The following TM6SF1 variants were observed in gnomAD, a reference collection of about 807,000 sequenced individuals.
TM6SF1 encodes the protein transmembrane 6 superfamily member 1.
TM6SF1 carries 43 observed loss-of-function variants against 47.1 expected under a neutral mutation model. The ratio of observed to expected loss-of-function variants is 0.91; its 90% CI spans 0.72 to 1.18. The LOEUF (loss-of-function observed/expected upper bound fraction) is 1.18, where lower values mean the gene tolerates loss of function less well. Among genes scored for constraint, TM6SF1 ranks in the 50% most tolerant of loss-of-function variants. The pLI, the probability that TM6SF1 is intolerant of heterozygous loss-of-function variation, is 0.00. For synonymous variants in TM6SF1, 177 were observed against 166.3 expected, an observed-to-expected ratio of 1.06 and a Z score of -0.49; for missense variants, 390 against 449.0, an observed-to-expected ratio of 0.87 and a Z score of 1.19.
At chr15:83,110,694 G>A (rs2151332018) in intron 1 of TM6SF1, among the ~76,000 whole-genome samples, 2 of 152,096 alleles carry the variant, frequency 1.3e-5, no homozygotes, top group South Asian at 4.2e-4. Context: ...TCCCTCATGG[G>A]ATTCTTCAGC....
In TM6SF1 at chr15:83,112,862, TC is replaced by T; in HGVS notation, c.159del (p.Val54SerfsTer23). On this transcript the variant is annotated frameshift_variant, in exon 2 of 10. Transcript: ENST00000322019. LOFTEE classifies it high-confidence loss of function. ...CTGGTAGCACTGCTGGCTCGTGTCC[TC>T]GTCAAAAGAAAACCACCCCGGGACC... is the stretch of plus-strand genomic sequence containing the variant. ...LFLVALLARV[L>X]VKRKPPRDPL... 6.2e-7 allele frequency: 1 copy of T among 1,614,150 alleles called. No individual in the cohort carries two copies. The highest frequency in any genetic ancestry group is 8.5e-7 in the Non-Finnish European group (1 of 1,179,988).
In TM6SF1 at chr15:83,130,602, T is replaced by A. The variant is rs547413124; in HGVS notation, c.921+3125T>A. On this transcript the variant is annotated intron_variant, in intron 9 of 9. Coordinates refer to ENST00000322019, the MANE Select transcript of TM6SF1 (RefSeq NM_023003.5). ...CTGAGTAAAGAATTATGGGTCTGAT[T>A]CCCACAGCTCTTGGCTGAGCTTTAA... 2.0e-5 allele frequency: 3 copies of A among 152,334 alleles called. No homozygotes were observed. The East Asian group carries it at 5.8e-4, about 29-fold the overall frequency. 9.4% of individuals were successfully genotyped at this position (152,334 alleles called of 1,614,324 possible).
chr15:83,135,969 GAA>G (rs1349143903), intron 9 of TM6SF1: 3 of 152,284 alleles, frequency 2.0e-5, no homozygotes, highest in Admixed American at 1.3e-4. Flanking sequence ...AGGAGTAGAT[GAA>G]AGACTGATAA....
intron 1 of TM6SF1, among the ~76,000 whole-genome samples, chr15:83,109,608 C>A (rs1271644435): frequency 2.0e-5 from 3 of 152,194 alleles, no homozygotes; most frequent in African/African-American, 7.2e-5. Flanking sequence ...AGTCCTGGGG[C>A]TCTAGTGTCT....
intron 6 of TM6SF1, 122 bp downstream of exon 6, chr15:83,123,000 G>A (rs1044938033): frequency 4.4e-5 from 48 of 1,092,930 alleles, no homozygotes; most frequent in Non-Finnish European, 5.9e-5. Flanking sequence ...CAAACAGTGC[G>A]ACTGTTTTGA....
intron 3 of TM6SF1, among the ~76,000 whole-genome samples, chr15:83,118,268 CAG>C (rs1478144783): frequency 6.6e-6 from 1 of 150,668 alleles, no homozygotes; most frequent in African/African-American, 2.5e-5. Flanking sequence ...CACACACATA[CAG>C]AGAGAGCAAG....
chr15:83,116,355 T>A (rs1259418505), intron 3 of TM6SF1, among the ~76,000 whole-genome samples: 2 of 152,246 alleles, frequency 1.3e-5, no homozygotes, highest in African/African-American at 4.8e-5. Context: ...TTGTGATGGC[T>A]TGCACTCTCC....
intron 3 of TM6SF1, among the ~76,000 whole-genome samples, chr15:83,117,233 G>A (rs528379774): frequency 5.9e-5 from 9 of 152,326 alleles, no homozygotes; most frequent in African/African-American, 1.9e-4. Context: ...AGAGGAGAAA[G>A]AGCATGTGCC....
chr15:83,109,971 G>A (rs577589162), intron 1 of TM6SF1, among the ~76,000 whole-genome samples: 9 of 152,156 alleles, frequency 5.9e-5, no homozygotes, highest in South Asian at 4.2e-4. Context: ...CCTTTCTCCC[G>A]AGAGTTACTT....
At chr15:83,110,857 T>C (rs2034080476) in intron 1 of TM6SF1, among the ~76,000 whole-genome samples, 2 of 152,316 alleles carry the variant, frequency 1.3e-5, no homozygotes, top group South Asian at 4.1e-4. Flanking sequence ...TCATTCTTTT[T>C]TAAAAAATGT....
At chr15:83,134,588 G>A (rs1231777138) in intron 9 of TM6SF1, 2 of 152,216 alleles carry the variant, frequency 1.3e-5, no homozygotes, top group African/African-American at 4.8e-5. Flanking sequence ...GCACTGGTTA[G>A]TGCAGGAAAA....
intron 3 of TM6SF1, 96 bp downstream of exon 3, chr15:83,116,038 A>T: frequency 1.0e-6 from 1 of 959,216 alleles, no homozygotes. Context: ...TAGTGTGAAC[A>T]GGTACGCTAC....
At chr15:83,131,271 CAACT>C (rs2151381977) in intron 9 of TM6SF1, 1 of 152,004 alleles carries the variant, frequency 6.6e-6, no homozygotes, top group Non-Finnish European at 1.5e-5. Flanking sequence ...AGAATCTATG[CAACT>C]TAGTAAGGGA....
chr15:83,120,589 T>C (rs79087937), intron 4 of TM6SF1, among the ~76,000 whole-genome samples: 1 of 144,320 alleles, frequency 6.9e-6, no homozygotes, highest in African/African-American at 2.5e-5. Flanking sequence ...AGCTAATTCT[T>C]TTTTTTTTTT....
intron 1 of TM6SF1, among the ~76,000 whole-genome samples, chr15:83,112,550 A>C (rs936377476): frequency 6.6e-6 from 1 of 152,072 alleles, no homozygotes; most frequent in Non-Finnish European, 1.5e-5. Flanking sequence ...TGCACATGAG[A>C]CAGGATAAGA....
chr15:83,126,415 G>T (rs1435715418), intron 7 of TM6SF1, among the ~76,000 whole-genome samples: 2 of 152,178 alleles, frequency 1.3e-5, no homozygotes, highest in African/African-American at 2.4e-5. Flanking sequence ...TTTTCTTCCT[G>T]TAGGGAATAG....
chr15:83,109,577 C>T (rs2151330414), intron 1 of TM6SF1, among the ~76,000 whole-genome samples: 1 of 152,316 alleles, frequency 6.6e-6, no homozygotes, highest in East Asian at 1.9e-4. Flanking sequence ...CTCCCTTCCT[C>T]CTACTGTCTG....
chr15:83,127,012 G>A (rs1020993773), intron 8 of TM6SF1, among the ~76,000 whole-genome samples, 165 bp downstream of exon 8: 8 of 152,140 alleles, frequency 5.3e-5, no homozygotes, highest in African/African-American at 1.9e-4. Flanking sequence ...CCAGCATGGT[G>A]AAACCCCATC....
At chr15:83,129,871 T>C (rs1374470677) in intron 9 of TM6SF1, 1 of 152,322 alleles carries the variant, frequency 6.6e-6, no homozygotes. Flanking sequence ...GCCTTTTTTT[T>C]TGGCCTGGTT....
Sources: gnomAD v4.1 joint callset for allele counts (sites outside exome capture counted in the v4.1 genomes callset) on GRCh38, gnomAD v4.1.1 for gene constraint, MANE v1.5 for transcripts, NCBI Gene and HGNC (gene_info 2026-07-23, HGNC 2026-07-21) for gene names.